Variants in OTUD4 observed in about 807,000 individuals in gnomAD.
OTUD4 encodes OTU deubiquitinase 4.
Under a neutral mutation model 130.4 loss-of-function variants are expected in OTUD4, and 24 were observed. The ratio of observed to expected loss-of-function variants is 0.18; its 90% CI spans 0.13 to 0.26. OTUD4 has a LOEUF of 0.26. Ranked by LOEUF, OTUD4 falls within the 10% of genes least tolerant of loss-of-function variation. OTUD4 has a pLI of 1.00. For missense variants in OTUD4, 1,031 were observed against 1,329.4 expected (o/e 0.78, Z 3.49); for synonymous variants, 420 against 472.5 (o/e 0.89, Z 1.44).
At chr4:145,179,307 G>A (rs1561004919) in intron 1 of OTUD4, among the ~76,000 whole-genome samples, 1 of 152,080 alleles carries the variant, frequency 6.6e-6, no homozygotes, top group African/African-American at 2.4e-5. Context: ...ACGGCAGTTT[G>A]CCCATTTGAT....
chr4:145,139,156 C>T (rs1036205684), intron 20 of OTUD4, among the ~76,000 whole-genome samples: 2 of 152,160 alleles, frequency 1.3e-5, no homozygotes. Flanking sequence ...CAAATCCTTC[C>T]TCTGCAAGAG....
chr4:145,134,343 C>T lies in OTUD4; in HGVS notation c.*3087G>A, dbSNP rs1377055443. ...ACACTAGAGTGGACCTTGCTTAGTACCCTTAAGTAAAAGACAAAACATTTA... is the reference window on the plus strand; with the variant it reads ...ACACTAGAGTGGACCTTGCTTAGTATCCTTAAGTAAAAGACAAAACATTTA... On this transcript the variant is annotated 3_prime_UTR_variant, in exon 21 of 21. Coordinates refer to ENST00000447906, the MANE Select transcript of OTUD4 (RefSeq NM_001366057.1). 5.4e-6 allele frequency: 1 copy of T among 186,596 alleles called. No individual in the cohort carries two copies. Among genetic ancestry groups the T allele is most frequent in the Non-Finnish European group, 1.1e-5 (1 of 90,758 alleles). The allele number at this position is 186,596 out of a possible 1,614,324, so 11.6% of individuals were successfully genotyped here. A position where few individuals can be genotyped will look rare whatever the true frequency, so the allele number is the denominator to read the frequency against.
intron 7 of OTUD4, among the ~76,000 whole-genome samples, chr4:145,156,651 C>A (rs1286804255): frequency 1.3e-5 from 2 of 151,846 alleles, no homozygotes; most frequent in Non-Finnish European, 2.9e-5. Context: ...CCACTGCACT[C>A]CAGCCTGGGC....
rs1296695207 is a variant in OTUD4, at chr4:145,141,399, G to A, written c.2063C>T (p.Thr688Ile). Residue 688 changes from threonine to isoleucine, a missense_variant, in exon 19 of 21, where the codon ACT becomes ATT. Coordinates refer to ENST00000447906, the MANE Select transcript of OTUD4 (RefSeq NM_001366057.1). ...CTCACCTTTAGGTAGGTCCTCCCCA[G>A]TCTGACACAGTGAATAAGGTGGTAC... ...AIVPPYSLCQ[T>I]GEDLPKDKNI... 2 of 1,611,130 alleles carry A rather than the reference G, an allele frequency of 1.2e-6. No individual in the cohort carries two copies. The highest frequency in any genetic ancestry group is 2.2e-5 in the East Asian group (1 of 44,784).
intron 2 of OTUD4, among the ~76,000 whole-genome samples, chr4:145,173,308 G>A (rs1752265261): frequency 6.6e-6 from 1 of 152,112 alleles, no homozygotes; most frequent in African/African-American, 2.4e-5. Context: ...GCAGGAGAAT[G>A]GCATGAACCC....
intron 3 of OTUD4, among the ~76,000 whole-genome samples, chr4:145,168,927 C>T (rs763083051): frequency 5.9e-5 from 9 of 152,210 alleles, no homozygotes; most frequent in Non-Finnish European, 1.2e-4. Context: ...AATGTATACA[C>T]AGGTTGTGAT....
intron 1 of OTUD4, among the ~76,000 whole-genome samples, chr4:145,177,394 T>G (rs2126815456): frequency 6.6e-6 from 1 of 152,358 alleles, no homozygotes. Context: ...CTATAAAGTG[T>G]GAGAGTGCTG....
intron 1 of OTUD4, among the ~76,000 whole-genome samples, chr4:145,176,828 A>G (rs1752451613): frequency 6.6e-6 from 1 of 152,238 alleles, no homozygotes; most frequent in African/African-American, 2.4e-5. Context: ...AGGCTCATTT[A>G]TACCCACAGA....
At chr4:145,168,510 G>A (rs987955232) in intron 3 of OTUD4, among the ~76,000 whole-genome samples, 4 of 147,896 alleles carry the variant, frequency 2.7e-5, no homozygotes, top group Non-Finnish European at 4.5e-5. Context: ...CCAGTATAAA[G>A]AACTAGTAAA....
chr4:145,143,023 A>T (rs570821876), intron 17 of OTUD4, among the ~76,000 whole-genome samples: 34 of 152,354 alleles, frequency 2.2e-4, no homozygotes, highest in Non-Finnish European at 4.3e-4. Context: ...TAAAGTAGAA[A>T]TTCAGTTTCC....
In OTUD4 at chr4:145,144,328, T is replaced by C. The variant is rs1185274947; in HGVS notation, c.1529A>G (p.Glu510Gly). 3.7e-6 allele frequency: 6 copies of C among 1,612,158 alleles called. No individual in the cohort carries two copies. Among genetic ancestry groups the C allele is most frequent in the South Asian group, 1.1e-5 (1 of 90,654 alleles). The change falls in exon 15 of 21, where the codon GAA becomes GGA. Residue 510 changes from glutamate (E) to glycine (G), a missense_variant. By Grantham distance (98) the Glu-to-Gly change is moderately conservative. This residue lies in a region of OTUD4 where 900 missense variants were observed against 1,095.9 expected (regional missense o/e 0.82). Coordinates refer to ENST00000447906, the MANE Select transcript of OTUD4 (RefSeq NM_001366057.1). ...TAACTTACCTTTGTCTTTTCGTTCT[T>C]CTGTATCCATTCTCCGCCTGCTTCC... ...RKGSRRRMDT[E>G]ERKDKDSIHG... is the part of the protein sequence containing the mutation.
chr4:145,153,739 T>C (rs548743869), intron 10 of OTUD4, among the ~76,000 whole-genome samples: 1 of 152,334 alleles, frequency 6.6e-6, no homozygotes, highest in South Asian at 2.1e-4. Flanking sequence ...GACAATGCTT[T>C]AAGCAACCTC....
At chr4:145,145,536 T>G (rs1750780628) in intron 14 of OTUD4, among the ~76,000 whole-genome samples, 1 of 152,154 alleles carries the variant, frequency 6.6e-6, no homozygotes. Context: ...AGTCCATTAT[T>G]TATTTAATCT....
intron 5 of OTUD4, among the ~76,000 whole-genome samples, chr4:145,163,879 T>A (rs1366338703): frequency 6.6e-6 from 1 of 151,990 alleles, no homozygotes; most frequent in Non-Finnish European, 1.5e-5. Context: ...GCTAATTTTG[T>A]ATTTTTTCAG....
chr4:145,137,298 G>A lies in OTUD4; in HGVS notation c.*132C>T. 1.4e-6 allele frequency: 1 copy of A among 717,546 alleles called. No individual in the cohort carries two copies. Among genetic ancestry groups the A allele is most frequent in the Non-Finnish European group, 2.4e-6 (1 of 425,122 alleles). 44.4% of individuals were successfully genotyped at this position (717,546 alleles called of 1,614,324 possible). ...TGTCCAAAATGTCTTGTCCAGTATG[G>A]GAGTGAAGGTAAGGGGGGCTGGGGA... On this transcript the variant is annotated 3_prime_UTR_variant, in exon 21 of 21. Coordinates refer to ENST00000447906, the MANE Select transcript of OTUD4 (RefSeq NM_001366057.1).
At chr4:145,152,717 TC>T in intron 10 of OTUD4, 82 bp from the exon 11 acceptor site, 1 of 766,608 alleles carries the variant, frequency 1.3e-6, no homozygotes, top group Non-Finnish European at 2.2e-6. Flanking sequence ...TTTTTGCGGT[TC>T]TTTTTTTTTT....
intron 10 of OTUD4, among the ~76,000 whole-genome samples, chr4:145,153,616 T>C (rs1162401673): frequency 6.6e-6 from 1 of 152,220 alleles, no homozygotes; most frequent in African/African-American, 2.4e-5. Context: ...TTCTCTAGCA[T>C]ACAATTAATA....
intron 17 of OTUD4, 44 bp from the exon 18 acceptor site, chr4:145,142,378 G>A: frequency 2.5e-6 from 4 of 1,587,264 alleles, no homozygotes; most frequent in South Asian, 2.3e-5. Flanking sequence ...AAAGACAAGA[G>A]GTCATTTTGC....
intron 1 of OTUD4, among the ~76,000 whole-genome samples, chr4:145,175,127 A>C (rs915540967): frequency 6.6e-6 from 1 of 152,252 alleles, no homozygotes; most frequent in African/African-American, 2.4e-5. Flanking sequence ...ATATTGAAAA[A>C]GACAAACTGG....
Sources: gnomAD v4.1 joint callset for allele counts (sites outside exome capture counted in the v4.1 genomes callset) on GRCh38, gnomAD v4.1.1 for gene constraint, gnomAD v4.1.1 regional missense constraint, MANE v1.5 for transcripts, NCBI Gene and HGNC (gene_info 2026-07-23, HGNC 2026-07-21) for gene names.